DNAH17: variants seen among roughly 807,000 people sequenced by gnomAD.
The protein encoded by DNAH17 is dynein axonemal heavy chain 17, also known as axonemal beta dynein heavy chain 17.
DNAH17 carries 376 observed loss-of-function variants against 485.6 expected under a neutral mutation model. That is an observed-to-expected ratio of 0.77 (90% CI 0.71 to 0.84). The LOEUF (loss-of-function observed/expected upper bound fraction) is 0.84. DNAH17 is among the 40% of genes least tolerant of loss of function. The pLI is 0.00. For missense variants in DNAH17, 6,370 were observed against 5,839.3 expected (o/e 1.09, Z -2.96); for synonymous variants, 3,031 against 2,405.9 (o/e 1.26, Z -7.60).
intron 36 of DNAH17, 190 bp from the exon 37 acceptor site, chr17:78,499,302 T>G (rs2090188171): frequency 2.4e-6 from 1 of 425,038 alleles, no homozygotes; most frequent in Non-Finnish European, 4.1e-6. Context: ...CGTGGAGGGC[T>G]GGACACGAGG....
At chr17:78,470,510 G>A (rs2088699031) in intron 54 of DNAH17, among the ~76,000 whole-genome samples, 1 of 151,960 alleles carries the variant, frequency 6.6e-6, no homozygotes, top group Non-Finnish European at 1.5e-5. Flanking sequence ...CCAACATGGT[G>A]AAACCCCATC....
intron 73 of DNAH17, 38 bp downstream of exon 73, chr17:78,439,052 C>T (rs751780421): frequency 6.9e-6 from 11 of 1,602,090 alleles, no homozygotes; most frequent in East Asian, 6.7e-5. Flanking sequence ...CACCTCAGTG[C>T]GGGGAGCCCT....
intron 72 of DNAH17, 24 bp from the exon 73 acceptor site, chr17:78,439,241 A>G: frequency 6.3e-7 from 1 of 1,594,010 alleles, no homozygotes; most frequent in Non-Finnish European, 8.5e-7. Context: ...AAACAGGAAA[A>G]AAACACCACG....
rs35422926 is a variant in DNAH17, at chr17:78,425,383, C to T, written c.13104G>A (p.Pro4368=). The change falls in exon 80 of 81, where the codon CCG becomes CCA. Residue 4368 remains proline (P), a synonymous_variant. Coordinates refer to ENST00000389840, the MANE Select transcript of DNAH17 (RefSeq NM_173628.4). ...KKNREDMTAP[P]REGSYVYGLF... Reference sequence around the variant, plus strand: ...GTCCGTACACGTAGGAGCCCTCTCGCGGAGGAGCGGTCATGTCCTCTCGGT... The same window carrying T: ...GTCCGTACACGTAGGAGCCCTCTCGTGGAGGAGCGGTCATGTCCTCTCGGT... 264,990 of 1,613,606 alleles carry T rather than the reference C, an allele frequency of 0.16. 23,049 individuals carry two copies. Among genetic ancestry groups the T allele is most frequent in the African/African-American group, 0.23 (17,377 of 74,918 alleles).
chr17:78,544,800 CAAAAAAAAAAAA>C (rs55669221), intron 16 of DNAH17, among the ~76,000 whole-genome samples: 1 of 46,886 alleles, frequency 2.1e-5, no homozygotes, highest in African/African-American at 9.9e-5. Flanking sequence ...GACTCAGTCT[CAAAAAAAAAAAA>C]AAAAAAAAAA....
Position 78,506,811 on chromosome 17 carries a change from A to G in DNAH17, c.4712T>C (p.Leu1571Ser), listed in dbSNP as rs749587242. 1 of 1,613,976 alleles carries G rather than the reference A, an allele frequency of 6.2e-7. No homozygotes were observed. Among genetic ancestry groups the G allele is most frequent in the East Asian group, 2.2e-5 (1 of 44,886 alleles). The stretch of plus-strand genomic sequence containing the variant: ...GGGGAAAGCCAGTCTTTTCGTCTCT[A>G]AATACTCTGCCAAAGCCTTTTCACA... ...AICEKALAEY[L>S]ETKRLAFPRF... Residue 1571 changes from leucine to serine, a missense_variant, in exon 30 of 81, where the codon TTA (leucine) becomes TCA (serine). By Grantham distance (145) the Leu-to-Ser change is moderately radical (BLOSUM62 -2). Transcript: ENST00000389840.
At chr17:78,470,069 C>T (rs1161096458) in intron 54 of DNAH17, among the ~76,000 whole-genome samples, 6 of 93,378 alleles carry the variant, frequency 6.4e-5, no homozygotes, top group African/African-American at 2.2e-4. Flanking sequence ...ATGTCTTACT[C>T]TTTTTTTTTT....
intron 2 of DNAH17, 108 bp from the exon 3 acceptor site, chr17:78,573,002 G>T (rs1238337470): frequency 1.1e-5 from 11 of 967,904 alleles, no homozygotes; most frequent in African/African-American, 1.7e-5. Flanking sequence ...CTGGAGCCCT[G>T]GGAAAACTGG....
At chr17:78,431,457 C>CGCCCCG (rs1555650015) in intron 75 of DNAH17, among the ~76,000 whole-genome samples, 6 of 148,200 alleles carry the variant, frequency 4.0e-5, no homozygotes, top group African/African-American at 1.6e-4. Flanking sequence ...AACCCCCCAC[C>CGCCCCG]CCGAGACTCC....
chr17:78,495,785 C>T (rs2090048657), intron 38 of DNAH17, 90 bp downstream of exon 38: 16 of 1,474,794 alleles, frequency 1.1e-5, no homozygotes, highest in East Asian at 7.0e-5. Context: ...TTGCCCTCTG[C>T]CCCTCCCCTC....
chr17:78,567,427 A>G (rs1000923764), intron 9 of DNAH17, among the ~76,000 whole-genome samples: 4 of 152,122 alleles, frequency 2.6e-5, no homozygotes, highest in Non-Finnish European at 5.9e-5. Flanking sequence ...TGGAGAGGAT[A>G]AAGTTTGGGA....
chr17:78,459,614 G>A (rs1003812839), intron 60 of DNAH17, among the ~76,000 whole-genome samples, 170 bp downstream of exon 60: 4 of 152,204 alleles, frequency 2.6e-5, no homozygotes, highest in Admixed American at 6.5e-5. Context: ...GAAGGTTCCC[G>A]CTGCTGAGCT....
chr17:78,453,627 G>A (rs536793298), intron 64 of DNAH17, among the ~76,000 whole-genome samples, 162 bp from the exon 65 acceptor site: 1 of 152,392 alleles, frequency 6.6e-6, no homozygotes, highest in African/African-American at 2.4e-5. Flanking sequence ...TTTCCTGAAA[G>A]GAGCCGAGGG....
intron 19 of DNAH17, among the ~76,000 whole-genome samples, chr17:78,534,023 T>C (rs916519844): frequency 5.3e-5 from 8 of 152,170 alleles, no homozygotes; most frequent in African/African-American, 1.9e-4. Context: ...TAAAAAAACC[T>C]TATGGGCCAG....
At chr17:78,492,567 G>T in intron 42 of DNAH17, 66 bp downstream of exon 42, 1 of 1,588,332 alleles carries the variant, frequency 6.3e-7, no homozygotes, top group South Asian at 1.1e-5. Flanking sequence ...GGGAACGGCT[G>T]AGCACACGCT....
At position 78,548,202 on chromosome 17, in the gene DNAH17, C is replaced by CTTTTTTTTTTTTTTTT. The variant is rs34701814; in HGVS notation, c.2391+3317_2391+3332dup. On this transcript the variant is annotated intron_variant, in intron 16 of 80. Transcript: ENST00000389840. The stretch of plus-strand genomic sequence containing the variant: ...GTTGTTATTTCGTAGATGTCATGGC[C>CTTTTTTTTTTTTTTTT]TTTTTTTTTTTTTTTTTTTGGAGAC... Among the ~76,000 whole-genome samples, 49 of 80,120 alleles carry CTTTTTTTTTTTTTTTT rather than the reference C, an allele frequency of 6.1e-4. 10 individuals carry two copies. The highest frequency in any genetic ancestry group is 2.2e-3 in the African/African-American group (41 of 18,720). 52.6% of individuals were successfully genotyped at this position (80,120 alleles called of 152,430 possible). A position where few individuals can be genotyped will look rare whatever the true frequency, so the allele number is the denominator to read the frequency against.
chr17:78,463,182 C>T lies in DNAH17; in HGVS notation c.8941-105G>A, dbSNP rs567521313. ...GGCCCTGGACAAGGTGCCCTGAGAC[C>T]GCTCTCAACCTCAGTGTCTTCAACT... On this transcript the variant is annotated intron_variant, in intron 56 of 80. Coordinates refer to ENST00000389840, the MANE Select transcript of DNAH17 (RefSeq NM_173628.4). The T allele has an allele frequency of 1.6e-4, 163 of 990,194 alleles. 2 individuals are homozygous for T. In the South Asian group the frequency reaches 1.9e-3, roughly 11 times the overall value. The allele number at this position is 990,194 out of a possible 1,614,324, so 61.3% of individuals were successfully genotyped here. A position where few individuals can be genotyped will look rare whatever the true frequency, so the allele number is the denominator to read the frequency against.
chr17:78,450,025 G>A (rs2087478209), intron 68 of DNAH17: 1 of 568,096 alleles, frequency 1.8e-6, no homozygotes, highest in East Asian at 2.9e-5. Flanking sequence ...ACCAGGGGAA[G>A]AGCAGGGAGG....
Position 78,495,099 on chromosome 17 carries a change from TGG to T in DNAH17, c.5904-4_5904-3del. The T allele has an allele frequency of 6.2e-7, 1 of 1,602,748 alleles. No individual in the cohort carries two copies. The highest frequency in any genetic ancestry group is 8.5e-7 in the Non-Finnish European group (1 of 1,174,306). ...TCGGGGACGACCATGGCACAGGGCC[TGG>T]GGAGGTCAGCGGTGCCTGTGGGCTT... is the stretch of plus-strand genomic sequence containing the variant. On this transcript the variant is annotated splice_region_variant and splice_polypyrimidine_tract_variant and intron_variant, in intron 38 of 80. Transcript: ENST00000389840.
Sources: allele counts gnomAD v4.1 joint callset (sites outside exome capture counted in the v4.1 genomes callset), GRCh38; gene constraint gnomAD v4.1.1; transcripts MANE v1.5; gene names NCBI Gene and HGNC (gene_info 2026-07-23, HGNC 2026-07-21).